Variants in NHSL2 observed in about 807,000 individuals in gnomAD.
The protein encoded by NHSL2 is NHS-like protein 2.
A neutral mutation model predicts 53.4 loss-of-function variants in NHSL2; 27 were observed. The ratio of observed to expected loss-of-function variants is 0.51; its 90% confidence interval spans 0.37 to 0.70. The LOEUF (loss-of-function observed/expected upper bound fraction) is 0.70. Ranked by LOEUF, NHSL2 falls within the 30% of genes least tolerant of loss-of-function variation. The pLI is 0.00. For synonymous variants in NHSL2, 408 were observed against 404.1 expected (o/e 1.01, Z -0.12); for missense variants, 892 against 980.1 (o/e 0.91, Z 1.20).
chrX:72,121,223 G>A (rs2042178967), intron 1 of NHSL2, among the ~76,000 whole-genome samples: 1 of 112,168 alleles, frequency 8.9e-6, no homozygotes, highest in Non-Finnish European at 1.9e-5. Context: ...TTTTGGGCAA[G>A]TGCTAATTCT....
At chrX:71,998,021 A>G (rs1413217791) in intron 1 of NHSL2, among the ~76,000 whole-genome samples, 2 of 112,390 alleles carry the variant, frequency 1.8e-5, no homozygotes, top group African/African-American at 6.5e-5. Context: ...AAGTCAAGGT[A>G]CTGAAGGAAT....
At position 72,001,644 on chromosome X, in the gene NHSL2, C is replaced by A. The variant is rs73223137; in HGVS notation, c.280+90277C>A. Among the ~76,000 whole-genome samples, 5 of 111,443 alleles carry A rather than the reference C, an allele frequency of 4.5e-5. No individual in the cohort carries two copies. The Admixed American group carries it at 4.7e-4, about 11-fold the overall frequency. The stretch of plus-strand genomic sequence containing the variant: ...GAATGGCCAGAAGTTGCCCCTCCCC[C>A]CAGGAAGCCTTAACAGCCAGACCCA... On this transcript the variant is annotated intron_variant, in intron 1 of 7. Coordinates refer to ENST00000633930, the MANE Select transcript of NHSL2 (RefSeq NM_001013627.3).
intron 4 of NHSL2, among the ~76,000 whole-genome samples, chrX:72,135,713 A>G (rs2042350503): frequency 8.9e-6 from 1 of 112,225 alleles, no homozygotes; most frequent in African/African-American, 3.2e-5. Flanking sequence ...GAAAGACTCC[A>G]GAAGTGATGT....
chrX:71,998,323 G>A (rs1015265420), intron 1 of NHSL2, among the ~76,000 whole-genome samples: 2 of 112,200 alleles, frequency 1.8e-5, no homozygotes, highest in African/African-American at 3.2e-5. Context: ...ATAGCAATAA[G>A]TGTTATGAAG....
chrX:72,019,644 G>A (rs1253682972), intron 1 of NHSL2, among the ~76,000 whole-genome samples: 4 of 111,817 alleles, frequency 3.6e-5, no homozygotes, highest in Non-Finnish European at 7.5e-5. Context: ...TTTGAACCGA[G>A]TCTTGAAGGA....
chrX:71,992,023 T>C lies in NHSL2; in HGVS notation c.280+80656T>C, dbSNP rs981972612. 3.5e-5 allele frequency among the ~76,000 whole-genome samples: 4 copies of C among 113,095 alleles called. No homozygotes were observed. The South Asian group carries it at 1.4e-3, about 41-fold the overall frequency. The stretch of plus-strand genomic sequence containing the variant: ...CACAGGCAGGCAAGGCACAGCTCAC[T>C]GGGAGATGCTAGACAAACACAGCAG... On this transcript the variant is annotated intron_variant, in intron 1 of 7. Transcript: ENST00000633930.
chrX:71,949,530 T>G (rs1170007802), intron 1 of NHSL2, among the ~76,000 whole-genome samples: 2 of 111,400 alleles, frequency 1.8e-5, no homozygotes, highest in Non-Finnish European at 3.8e-5. Flanking sequence ...GTGAGCCGAT[T>G]TGTCCCAGAC....
rs147523783 is a variant in NHSL2, at chrX:72,060,268, C to G, written c.281-71811C>G. On this transcript the variant is annotated intron_variant, in intron 1 of 7. Transcript: ENST00000633930. ...GAGCTATGAGGAATGCCAAAGAATC[C>G]AGCATGGTGTTAGGTACATAGAGGG... Among the ~76,000 whole-genome samples the G allele has an allele frequency of 7.7e-3, 867 of 111,899 alleles. 6 individuals carry two copies. The highest frequency in any genetic ancestry group is 0.027 in the African/African-American group (827 of 30,720).
intron 1 of NHSL2, among the ~76,000 whole-genome samples, chrX:72,086,486 C>A (rs1444061135): frequency 1.8e-5 from 2 of 111,158 alleles, no homozygotes; most frequent in Non-Finnish European, 1.9e-5. Context: ...GAGTTCAAGA[C>A]CAGCCTGGCC....
At chrX:71,954,639 T>A (rs151100714) in intron 1 of NHSL2, among the ~76,000 whole-genome samples, 1,243 of 111,737 alleles carry the variant, frequency 0.011, 13 homozygotes, top group Non-Finnish European at 0.017. Context: ...TCCCTTTATC[T>A]TCTACACTCT....
At chrX:72,131,113 G>T in intron 1 of NHSL2, 1 of 1,205,556 alleles carries the variant, frequency 8.3e-7, no homozygotes, top group Non-Finnish European at 1.1e-6. Flanking sequence ...TGCCAGAGGG[G>T]GTTGCGGGGG....
chrX:72,075,490 A>G (rs183238470), intron 1 of NHSL2, among the ~76,000 whole-genome samples: 32 of 112,335 alleles, frequency 2.8e-4, no homozygotes, highest in African/African-American at 1.0e-3. Context: ...TGATTAAGCA[A>G]GCAAAGCTTT....
rs1045772410 is a variant in NHSL2 at position 72,080,478 on chromosome X, A to G, written c.281-51601A>G. On this transcript the variant is annotated intron_variant, in intron 1 of 7. Coordinates refer to ENST00000633930, the MANE Select transcript of NHSL2 (RefSeq NM_001013627.3). ...TCCTCTGAAGGGAATTCATAATCGG[A>G]TGGCTTTGGAAGACAGGGTGGATGT... is the stretch of plus-strand genomic sequence containing the variant. Among the ~76,000 whole-genome samples the G allele has an allele frequency of 3.6e-5, 4 of 110,385 alleles. No individual in the cohort carries two copies. In the East Asian group the frequency reaches 1.2e-3, roughly 32 times the overall value.
At chrX:71,912,338 A>G (rs1482246597) in intron 1 of NHSL2, among the ~76,000 whole-genome samples, 2 of 112,585 alleles carry the variant, frequency 1.8e-5, no homozygotes, top group African/African-American at 6.5e-5. Context: ...AATGCTGACT[A>G]CAGCTGGGGC....
intron 1 of NHSL2, chrX:72,069,720 A>G: frequency 2.1e-6 from 2 of 935,364 alleles, no homozygotes; most frequent in Non-Finnish European, 2.7e-6. Context: ...GCAACCGAGG[A>G]GTAAAAGCCA....
intron 1 of NHSL2, among the ~76,000 whole-genome samples, chrX:72,017,133 C>T (rs775862524): frequency 8.9e-6 from 1 of 111,975 alleles, no homozygotes; most frequent in South Asian, 3.7e-4. Context: ...CATCATGCCC[C>T]TCTATATAGG....
chrX:71,973,851 G>T (rs749635107), intron 1 of NHSL2, among the ~76,000 whole-genome samples: 1 of 111,378 alleles, frequency 9.0e-6, no homozygotes, highest in South Asian at 3.8e-4. Context: ...ACTGAGCTGG[G>T]AGAGATGAGA....
At chrX:71,947,832 G>A (rs751068426) in intron 1 of NHSL2, among the ~76,000 whole-genome samples, 1 of 111,638 alleles carries the variant, frequency 9.0e-6, no homozygotes, top group Admixed American at 9.6e-5. Context: ...CTCATAAGTG[G>A]AAGCTAAGCT....
At chrX:72,040,027 T>G (rs772259657) in intron 1 of NHSL2, among the ~76,000 whole-genome samples, 1 of 112,360 alleles carries the variant, frequency 8.9e-6, no homozygotes, top group African/African-American at 3.2e-5. Flanking sequence ...GCCACCAAAA[T>G]AGGTTCAGCA....
Sources: allele counts gnomAD v4.1 joint callset (sites outside exome capture counted in the v4.1 genomes callset), GRCh38; gene constraint gnomAD v4.1.1; transcripts MANE v1.5; gene names NCBI Gene and HGNC (gene_info 2026-07-23, HGNC 2026-07-21).